Variants in LZTFL1 observed in about 807,000 individuals in gnomAD.
LZTFL1 encodes leucine zipper transcription factor-like protein 1.
A neutral mutation model predicts 45.9 loss-of-function variants in LZTFL1; 25 were observed. That is an observed-to-expected ratio of 0.54 (90% CI 0.40 to 0.76). The LOEUF is 0.76. Ranked by LOEUF, LZTFL1 falls within the 30% of genes least tolerant of loss-of-function variation. The pLI is 0.00. For missense variants in LZTFL1, 277 were observed against 331.1 expected, an observed-to-expected ratio of 0.84 and a Z score of 1.27; for synonymous variants, 93 against 117.4, an observed-to-expected ratio of 0.79 and a Z score of 1.35.
rs755014493 is a variant in LZTFL1 at position 45,901,634 on chromosome 3, T to A, written c.-215+11486A>T. Reference sequence around the variant, plus strand: ...TGTTGGTGCAGACCATTGACGCCTATGCCATGTTCATCTCCAACTGTGCCG... The same window carrying A: ...TGTTGGTGCAGACCATTGACGCCTAAGCCATGTTCATCTCCAACTGTGCCG... On this transcript the variant is annotated intron_variant, in intron 2 of 4. Coordinates refer to the LZTFL1 transcript ENST00000472635. The surrounding 1 kb of genome is among the most constrained non-coding windows in gnomAD (Gnocchi z 4.3). The A allele has an allele frequency of 1.9e-6, 3 of 1,614,232 alleles. No homozygotes were observed. The highest frequency in any genetic ancestry group is 1.7e-6 in the Non-Finnish European group (2 of 1,180,014).
At chr3:45,876,583 A>G (rs1335675406) in intron 2 of LZTFL1, among the ~76,000 whole-genome samples, 1 of 152,188 alleles carries the variant, frequency 6.6e-6, no homozygotes, top group Non-Finnish European at 1.5e-5. Context: ...TCTACTGAGC[A>G]TTGCCATGTG....
intron 4 of LZTFL1, chr3:45,854,962 T>C (rs1461212699): frequency 4.1e-6 from 6 of 1,479,654 alleles, no homozygotes; most frequent in Non-Finnish European, 3.6e-6. Flanking sequence ...AATTATAATA[T>C]GTCAGATGCG....
chr3:45,831,645 A>C (rs1280118468), intron 5 of LZTFL1, among the ~76,000 whole-genome samples: 1 of 152,192 alleles, frequency 6.6e-6, no homozygotes, highest in Non-Finnish European at 1.5e-5. Flanking sequence ...TCAAATAAAC[A>C]CATCAGCCCA....
At chr3:45,855,674 G>A (rs1197581191) in intron 3 of LZTFL1, among the ~76,000 whole-genome samples, 1 of 152,038 alleles carries the variant, frequency 6.6e-6, no homozygotes. Flanking sequence ...CATCCCAAAG[G>A]CTTCTTAAGC....
chr3:45,824,620 T>C lies in LZTFL1; in HGVS notation c.*1694A>G, dbSNP rs1313297801. 4 of 391,544 alleles carry C rather than the reference T, an allele frequency of 1.0e-5. No individual in the cohort carries two copies. The East Asian group carries it at 1.1e-4, about 11-fold the overall frequency. 24.3% of individuals were successfully genotyped at this position (391,544 alleles called of 1,614,324 possible). A position where few individuals can be genotyped will look rare whatever the true frequency, so the allele number is the denominator to read the frequency against. ...TCTACCTAGCAATATAGGTTTCTTA[T>C]CAACATACCTTTTTTCCTCACTGGT... On this transcript the variant is annotated 3_prime_UTR_variant, in exon 10 of 10. Coordinates refer to ENST00000296135, the MANE Select transcript of LZTFL1 (RefSeq NM_020347.4).
intron 2 of LZTFL1, among the ~76,000 whole-genome samples, chr3:45,891,242 C>A (rs1702171788): frequency 6.6e-6 from 1 of 152,198 alleles, no homozygotes; most frequent in Non-Finnish European, 1.5e-5. Flanking sequence ...CAGACACAGT[C>A]CTGTTCCAGG....
At chr3:45,864,087 T>G (rs1248241497) in intron 2 of LZTFL1, among the ~76,000 whole-genome samples, 1 of 152,226 alleles carries the variant, frequency 6.6e-6, no homozygotes, top group Non-Finnish European at 1.5e-5. Flanking sequence ...CTGACTGTGA[T>G]GTTCAAGTCC....
chr3:45,895,174 C>T, intron 2 of LZTFL1: 1 of 575,106 alleles, frequency 1.7e-6, no homozygotes. Context: ...GTTGTGGAGA[C>T]AGAGGAAAAT....
chr3:45,913,283 G>T, intron 1 of LZTFL1: 1 of 805,148 alleles, frequency 1.2e-6, no homozygotes, highest in Non-Finnish European at 1.9e-6. Context: ...ATGAGGACCT[G>T]CCACAACCTA....
intron 2 of LZTFL1, among the ~76,000 whole-genome samples, chr3:45,887,469 G>T (rs1371326918): frequency 6.6e-6 from 1 of 152,130 alleles, no homozygotes; most frequent in African/African-American, 2.4e-5. Context: ...TGACTCATCA[G>T]TGGATGCTGG....
chr3:45,837,232 C>T (rs1416415620), intron 2 of LZTFL1, among the ~76,000 whole-genome samples: 1 of 152,116 alleles, frequency 6.6e-6, no homozygotes, highest in African/African-American at 2.4e-5. Flanking sequence ...TTCAATAGAA[C>T]ATATGTTCTC....
chr3:45,826,284 T>TGTG lies in LZTFL1; in HGVS notation c.*27_*29dup. 6.2e-7 allele frequency: 1 copy of TGTG among 1,607,148 alleles called. No individual in the cohort carries two copies. Among genetic ancestry groups the TGTG allele is most frequent in the Non-Finnish European group, 8.5e-7 (1 of 1,173,952 alleles). ...AGGTGAGACTGCTTGTATGTTTGCA[T>TGTG]GTGGTAGCTTCCAGAGGAAATCTTC... On this transcript the variant is annotated 3_prime_UTR_variant, in exon 10 of 10. Coordinates refer to ENST00000296135, the MANE Select transcript of LZTFL1 (RefSeq NM_020347.4).
chr3:45,843,582 T>C (rs72876538), upstream of LZTFL1, among the ~76,000 whole-genome samples: 2,662 of 152,334 alleles, frequency 0.017, 85 homozygotes, highest in African/African-American at 0.06. Flanking sequence ...GGAGCGTGTG[T>C]ATAATGCAAA....
intron 2 of LZTFL1, among the ~76,000 whole-genome samples, chr3:45,897,884 G>C (rs1702408802): frequency 6.7e-6 from 1 of 149,966 alleles, no homozygotes; most frequent in Admixed American, 6.7e-5. Flanking sequence ...CAGGCAGCAA[G>C]ACCCCTGGGC....
At chr3:45,836,271 AAATAAT>A (rs905762422) in intron 2 of LZTFL1, among the ~76,000 whole-genome samples, 2 of 152,094 alleles carry the variant, frequency 1.3e-5, no homozygotes, top group African/African-American at 2.4e-5. Flanking sequence ...TTGAGACCCA[AAATAAT>A]AATAATAATA....
chr3:45,853,554 T>C (rs1345810507), intron 4 of LZTFL1, among the ~76,000 whole-genome samples: 1 of 152,232 alleles, frequency 6.6e-6, no homozygotes, highest in Non-Finnish European at 1.5e-5. Flanking sequence ...ATGTATTTTC[T>C]TCTCTTCTTG....
intron 1 of LZTFL1, chr3:45,841,762 G>C (rs920031032): frequency 5.0e-6 from 3 of 603,932 alleles, no homozygotes; most frequent in South Asian, 4.1e-5. Context: ...CGATGCGGCG[G>C]AGCTGGGCTG....
At chr3:45,893,970 T>G (rs1439426721) in intron 2 of LZTFL1, among the ~76,000 whole-genome samples, 2 of 152,126 alleles carry the variant, frequency 1.3e-5, no homozygotes, top group Non-Finnish European at 2.9e-5. Flanking sequence ...AGCCAACAGG[T>G]TGGCTTTATA....
chr3:45,915,594 C>T (rs1388392967), exon 1 of LZTFL1: 6 of 444,544 alleles, frequency 1.3e-5, no homozygotes, highest in Admixed American at 2.5e-5. Context: ...ACAAGGACTT[C>T]CTTTTGGTAA....
Sources: gnomAD v4.1 joint callset for allele counts (sites outside exome capture counted in the v4.1 genomes callset) on GRCh38, gnomAD v4.1.1 for gene constraint, Gnocchi (gnomAD v3.1) non-coding constraint, MANE v1.5 for transcripts, NCBI Gene and HGNC (gene_info 2026-07-23, HGNC 2026-07-21) for gene names.